ACKR3: variants seen among roughly 807,000 people sequenced by gnomAD.
The protein encoded by ACKR3 is C-X-C chemokine receptor type 7.
ACKR3 carries 6 observed loss-of-function variants against 22.4 expected under a neutral mutation model. The ratio of observed to expected loss-of-function variants is 0.27; its 90% CI spans 0.15 to 0.53. The LOEUF (loss-of-function observed/expected upper bound fraction) is 0.53, where lower values mean the gene tolerates loss of function less well. Among genes scored for constraint, ACKR3 ranks in the 20% least tolerant of loss-of-function variants. ACKR3 has a pLI of 0.96. For synonymous variants in ACKR3, 209 were observed against 205.2 expected, an observed-to-expected ratio of 1.02 and a Z score of -0.16; for missense variants, 396 against 475.2, an observed-to-expected ratio of 0.83 and a Z score of 1.55.
At chr2:236,567,561 C>A (rs2106495827), upstream of ACKR3, among the ~76,000 whole-genome samples, 1 of 152,316 alleles carries the variant, frequency 6.6e-6, no homozygotes, top group South Asian at 2.1e-4. Flanking sequence ...CTCTCGTTTT[C>A]CCCCAGGCCT....
chr2:236,553,855 A>G, the ACKR3 span, among the ~76,000 whole-genome samples: 1 of 152,232 alleles, frequency 6.6e-6, no homozygotes, highest in African/African-American at 2.4e-5. Context: ...TTTCTTTGGT[A>G]ATGTTTTGAA....
At chr2:236,561,193 A>T in the ACKR3 span, among the ~76,000 whole-genome samples, 1 of 152,210 alleles carries the variant, frequency 6.6e-6, no homozygotes, top group Admixed American at 6.5e-5. Context: ...TAAAGTTTTG[A>T]TGTATAAATG....
intron 1 of ACKR3, among the ~76,000 whole-genome samples, chr2:236,571,265 C>G (rs895007977): frequency 2.0e-5 from 3 of 152,150 alleles, no homozygotes; most frequent in African/African-American, 7.2e-5. Context: ...TCTTTTTTCC[C>G]CAGTCTCTGC....
At position 236,577,955 on chromosome 2, in the gene ACKR3, G is replaced by A. The variant is rs893442455; in HGVS notation, c.-26-2485G>A. 1.1e-4 allele frequency among the ~76,000 whole-genome samples: 16 copies of A among 152,188 alleles called. No homozygotes were observed. The highest frequency in any genetic ancestry group is 2.9e-4 in the African/African-American group (12 of 41,440). ...CTCCATTCAAGCTCCTCTGCTCCCC[G>A]GGACTCTGGGGTCAGATGAGATCAT... On this transcript the variant is annotated intron_variant, in intron 1 of 1. Transcript: ENST00000272928. This position sits in a 1 kb window ranked among gnomAD's most constrained non-coding sequence, Gnocchi z 5.6.
chr2:236,554,273 T>C, the ACKR3 span, among the ~76,000 whole-genome samples: 1 of 152,176 alleles, frequency 6.6e-6, no homozygotes, highest in Non-Finnish European at 1.5e-5. Flanking sequence ...GAGCAATCAA[T>C]TCCAAATAAG....
chr2:236,563,785 C>T (rs747032163), upstream of ACKR3, among the ~76,000 whole-genome samples: 3 of 152,168 alleles, frequency 2.0e-5, no homozygotes, highest in Non-Finnish European at 2.9e-5. Context: ...GGGTTTACTG[C>T]CCAGACTTGC....
chr2:236,567,501 G>C (rs1038501244), upstream of ACKR3, among the ~76,000 whole-genome samples: 1 of 152,216 alleles, frequency 6.6e-6, no homozygotes, highest in African/African-American at 2.4e-5. Context: ...AGACTTTTAG[G>C]TCCTAGGGCA....
At chr2:236,564,904 T>TGCC (rs1691148269), upstream of ACKR3, among the ~76,000 whole-genome samples, 1 of 152,146 alleles carries the variant, frequency 6.6e-6, no homozygotes. Context: ...ACAAAGACAG[T>TGCC]GCCACCTTTA....
In ACKR3 at chr2:236,581,424, G is replaced by A. The variant is rs558720877; in HGVS notation, c.959G>A (p.Arg320His). The A allele has an allele frequency of 5.6e-6, 9 of 1,613,888 alleles. No homozygotes were observed. The highest frequency in any genetic ancestry group is 1.1e-5 in the South Asian group (1 of 91,074). Residue 320 changes from arginine to histidine, a missense_variant, in exon 2 of 2, where the codon CGC becomes CAC. Coordinates refer to ENST00000272928, the MANE Select transcript of ACKR3 (RefSeq NM_020311.3). This position sits in a 1 kb window ranked among gnomAD's most constrained non-coding sequence, Gnocchi z 4.4. The part of the protein sequence containing the change: ...VNPVLYSFIN[R>H]NYRYELMKAF... Reference sequence around the variant, plus strand: ...CCTGTCCTCTACAGCTTCATCAATCGCAACTACAGGTACGAGCTGATGAAG... The same window carrying A: ...CCTGTCCTCTACAGCTTCATCAATCACAACTACAGGTACGAGCTGATGAAG...
At chr2:236,548,595 G>A in the ACKR3 span, among the ~76,000 whole-genome samples, 31 of 152,248 alleles carry the variant, frequency 2.0e-4, 1 homozygote, top group Middle Eastern at 3.4e-3. This position sits in a 1 kb window ranked among gnomAD's most constrained non-coding sequence, Gnocchi z 4.3. Flanking sequence ...CACCTGCCCC[G>A]TCTTTCATGA....
At chr2:236,545,445 G>T in the ACKR3 span, among the ~76,000 whole-genome samples, 1 of 152,172 alleles carries the variant, frequency 6.6e-6, no homozygotes, top group Admixed American at 6.5e-5. The surrounding 1 kb of genome is among the most constrained non-coding windows in gnomAD (Gnocchi z 5.3). Context: ...CATTTCTTCC[G>T]CATTTGTGCA....
the ACKR3 span, among the ~76,000 whole-genome samples, chr2:236,540,321 T>G: frequency 6.6e-6 from 1 of 152,088 alleles, no homozygotes; most frequent in Non-Finnish European, 1.5e-5. Flanking sequence ...TGACCATTCA[T>G]GTATGTAAAT....
rs78821159 is a variant in ACKR3 at position 236,574,233 on chromosome 2, C to T, written c.-27+4309C>T. ...CGATTTCAGAAAAGTCTCTCCTGGA[C>T]GCCCGTCTCCGCTGCTGGCCACAGT... is the stretch of plus-strand genomic sequence containing the variant. On this transcript the variant is annotated intron_variant, in intron 1 of 1. Coordinates refer to ENST00000272928, the MANE Select transcript of ACKR3 (RefSeq NM_020311.3). The surrounding 1 kb of genome is among the most constrained non-coding windows in gnomAD (Gnocchi z 5.6). Among the ~76,000 whole-genome samples the T allele has an allele frequency of 0.038, 5,795 of 152,130 alleles. 136 individuals carry two copies. The highest frequency in any genetic ancestry group is 0.075 in the South Asian group (361 of 4,800).
In ACKR3 at chr2:236,580,782, A is replaced by G; in HGVS notation, c.317A>G (p.Gln106Arg). The G allele has an allele frequency of 6.2e-7, 1 of 1,614,224 alleles. No individual in the cohort carries two copies. Among genetic ancestry groups the G allele is most frequent in the Non-Finnish European group, 8.5e-7 (1 of 1,180,040 alleles). Residue 106 changes from glutamine (Q) to arginine (R), a missense_variant, in exon 2 of 2, where the codon CAG (glutamine) becomes CGG (arginine). Gln to Arg is a conservative substitution (Grantham distance 43). Transcript: ENST00000272928. ...CCAGTCTGGGTGGTCAGTCTCGTGC[A>G]GCACAACCAGTGGCCCATGGGCGAG... Reference protein sequence around the residue: ...TIPVWVVSLVQHNQWPMGELT... With the variant: ...TIPVWVVSLVRHNQWPMGELT...
upstream of ACKR3, among the ~76,000 whole-genome samples, chr2:236,568,865 G>A (rs899030310): frequency 2.6e-5 from 4 of 152,172 alleles, no homozygotes; most frequent in Admixed American, 2.0e-4. Flanking sequence ...CTCCACTTGA[G>A]CCGCTCTTTA....
At chr2:236,558,136 G>A in the ACKR3 span, among the ~76,000 whole-genome samples, 4 of 152,178 alleles carry the variant, frequency 2.6e-5, no homozygotes, top group African/African-American at 7.2e-5. Context: ...GAACTCAACA[G>A]TCAGCTGGTG....
chr2:236,561,635 G>A, the ACKR3 span, among the ~76,000 whole-genome samples: 1 of 152,258 alleles, frequency 6.6e-6, no homozygotes, highest in East Asian at 1.9e-4. Flanking sequence ...GGGATTACAG[G>A]TGTGTGCCAC....
At chr2:236,564,706 C>T (rs1303227131), upstream of ACKR3, among the ~76,000 whole-genome samples, 1 of 151,778 alleles carries the variant, frequency 6.6e-6, no homozygotes, top group Non-Finnish European at 1.5e-5. Flanking sequence ...GGACTTAACA[C>T]CCTCTGCTAT....
the ACKR3 span, among the ~76,000 whole-genome samples, chr2:236,548,373 A>G: frequency 2.1e-4 from 32 of 152,348 alleles, no homozygotes; most frequent in Middle Eastern, 3.4e-3. The surrounding 1 kb of genome is among the most constrained non-coding windows in gnomAD (Gnocchi z 4.3). Flanking sequence ...TTCTTAGCCA[A>G]GATATTTTTG....
Sources: gnomAD v4.1 joint callset for allele counts (sites outside exome capture counted in the v4.1 genomes callset) on GRCh38, gnomAD v4.1.1 for gene constraint, Gnocchi (gnomAD v3.1) non-coding constraint, MANE v1.5 for transcripts, NCBI Gene and HGNC (gene_info 2026-07-23, HGNC 2026-07-21) for gene names.